The following PDE4D variants were observed in gnomAD, a reference collection of about 807,000 sequenced individuals.
PDE4D encodes the protein 3',5'-cyclic-AMP phosphodiesterase 4D.
PDE4D carries 24 observed loss-of-function variants against 87.4 expected under a neutral mutation model. The observed-to-expected ratio is 0.27, with a 90% CI of 0.20 to 0.39. PDE4D has a LOEUF of 0.39. Among genes scored for constraint, PDE4D ranks in the 10% least tolerant of loss-of-function variants. PDE4D has a pLI of 1.00. For missense variants in PDE4D, 714 were observed against 1,041.0 expected, an observed-to-expected ratio of 0.69 and a Z score of 4.32; for synonymous variants, 384 against 383.2, an observed-to-expected ratio of 1.00 and a Z score of -0.02.
At chr5:59,189,310 C>T (rs1277792493) in intron 3 of PDE4D, among the ~76,000 whole-genome samples, 5 of 124,974 alleles carry the variant, frequency 4.0e-5, no homozygotes, top group Non-Finnish European at 1.6e-5. Flanking sequence ...AGTGCAATGG[C>T]GCGATCTCGG....
At chr5:59,570,781 G>T (rs955067900) in intron 1 of PDE4D, among the ~76,000 whole-genome samples, 1 of 152,142 alleles carries the variant, frequency 6.6e-6, no homozygotes, top group Non-Finnish European at 1.5e-5. Context: ...ATCTTTAGTG[G>T]ACTTAGATTA....
chr5:60,199,522 G>A (rs77466258), intron 1 of PDE4D, among the ~76,000 whole-genome samples: 16 of 151,636 alleles, frequency 1.1e-4, no homozygotes, highest in African/African-American at 3.9e-4. Context: ...ATGGAAAATG[G>A]CAATTTCTTT....
At chr5:59,768,279 G>A (rs1328541487) in intron 1 of PDE4D, 2 of 1,598,250 alleles carry the variant, frequency 1.3e-6, no homozygotes, top group Admixed American at 1.7e-5. Context: ...GCCGCTGTTT[G>A]GGGATGTTGC....
chr5:59,748,253 A>T (rs1054713167), intron 1 of PDE4D, among the ~76,000 whole-genome samples: 9 of 152,140 alleles, frequency 5.9e-5, no homozygotes, highest in Non-Finnish European at 1.0e-4. Flanking sequence ...CTCTTGAATC[A>T]CTGACTCCTG....
intron 1 of PDE4D, chr5:59,529,284 C>A: frequency 5.6e-6 from 2 of 355,434 alleles, no homozygotes; most frequent in Non-Finnish European, 1.1e-5. Flanking sequence ...AAGGATCTTG[C>A]TTAAATAAAT....
rs572751257 is a variant in PDE4D at position 59,397,415 on chromosome 5, G to T, written c.456-181447C>A. Among the ~76,000 whole-genome samples, 54 of 119,122 alleles carry T rather than the reference G, an allele frequency of 4.5e-4. 10 individuals are homozygous for T. Among genetic ancestry groups the T allele is most frequent in the Admixed American group, 1.6e-3 (19 of 12,096 alleles). 78.1% of individuals were successfully genotyped at this position (119,122 alleles called of 152,430 possible). A position where few individuals can be genotyped will look rare whatever the true frequency, so the allele number is the denominator to read the frequency against. ...ACAGTGCAATCAAATTAGAACTCAGGATTAAGAATCTCACTCAAAACCGCT... is the reference window on the plus strand; with the variant it reads ...ACAGTGCAATCAAATTAGAACTCAGTATTAAGAATCTCACTCAAAACCGCT... On this transcript the variant is annotated intron_variant, in intron 1 of 14. Coordinates refer to ENST00000340635, the MANE Select transcript of PDE4D (RefSeq NM_001104631.2).
At chr5:60,220,256 G>A (rs898328163) in intron 1 of PDE4D, among the ~76,000 whole-genome samples, 8 of 152,100 alleles carry the variant, frequency 5.3e-5, no homozygotes, top group Non-Finnish European at 1.2e-4. Flanking sequence ...AGGACTCCAA[G>A]ATGATAAGAA....
In PDE4D at chr5:60,459,957, T is replaced by TTCA. The variant is rs1196035855; in HGVS notation, c.-90+27982_-90+27984dup. 23 of 759,920 alleles carry TTCA rather than the reference T, an allele frequency of 3.0e-5. No individual in the cohort carries two copies. The Admixed American group carries it at 3.3e-4, about 11-fold the overall frequency. 47.1% of individuals were successfully genotyped at this position (759,920 alleles called of 1,614,324 possible). A position where few individuals can be genotyped will look rare whatever the true frequency, so the allele number is the denominator to read the frequency against. ...TAGTATCTTTTTATCCTTCCTCCTCTTCATCATCATCATCATCTTCTTCTC... is the reference window on the plus strand; with the variant it reads ...TAGTATCTTTTTATCCTTCCTCCTCTTCATCATCATCATCATCATCTTCTTCTC... On this transcript the variant is annotated intron_variant, in intron 1 of 16. Coordinates refer to the PDE4D transcript ENST00000502484.
intron 1 of PDE4D, chr5:59,768,187 A>G: frequency 1.3e-6 from 2 of 1,574,062 alleles, no homozygotes; most frequent in South Asian, 2.3e-5. Flanking sequence ...TAAAGGCGCG[A>G]GAGCAGGACT....
At chr5:59,727,708 T>C (rs1756807134) in intron 1 of PDE4D, among the ~76,000 whole-genome samples, 1 of 152,114 alleles carries the variant, frequency 6.6e-6, no homozygotes, top group Admixed American at 6.6e-5. Context: ...GCAGGTTTCT[T>C]ACCCTCTGTG....
chr5:59,029,257 CAAAA>C (rs35339520), intron 6 of PDE4D, among the ~76,000 whole-genome samples: 1 of 141,016 alleles, frequency 7.1e-6, no homozygotes. Flanking sequence ...CTTAAAAATA[CAAAA>C]AAAAAAAAAG....
chr5:60,208,653 C>A (rs1300781827), intron 1 of PDE4D, among the ~76,000 whole-genome samples: 1 of 152,166 alleles, frequency 6.6e-6, no homozygotes, highest in East Asian at 1.9e-4. Context: ...TCCCCCAGCA[C>A]CCAGCCTCAG....
intron 3 of PDE4D, among the ~76,000 whole-genome samples, chr5:59,918,154 G>A (rs1754278707): frequency 6.6e-6 from 1 of 151,770 alleles, no homozygotes; most frequent in Admixed American, 6.6e-5. Context: ...TTCTGTTATG[G>A]TTTGAAAGAT....
intron 1 of PDE4D, among the ~76,000 whole-genome samples, chr5:59,598,775 C>T (rs1827074738): frequency 6.6e-6 from 1 of 151,964 alleles, no homozygotes; most frequent in South Asian, 2.1e-4. Context: ...GACAGAAGGA[C>T]ATTACTATTA....
chr5:60,039,355 T>C (rs1007466765), intron 2 of PDE4D, among the ~76,000 whole-genome samples: 8 of 149,600 alleles, frequency 5.3e-5, no homozygotes, highest in African/African-American at 1.7e-4. Flanking sequence ...AAACACCGCA[T>C]ATTCTCACTC....
intron 5 of PDE4D, among the ~76,000 whole-genome samples, chr5:59,046,967 G>T (rs1760811492): frequency 6.6e-6 from 1 of 152,150 alleles, no homozygotes; most frequent in African/African-American, 2.4e-5. Context: ...AGCAATTCCA[G>T]GCAATTCAGC....
intron 3 of PDE4D, among the ~76,000 whole-genome samples, chr5:59,902,836 T>A (rs1752416806): frequency 6.6e-6 from 1 of 152,156 alleles, no homozygotes; most frequent in Non-Finnish European, 1.5e-5. Context: ...CCAGATTAAA[T>A]AACTGGGCAG....
At chr5:60,284,283 A>G (rs1311442104) in intron 1 of PDE4D, among the ~76,000 whole-genome samples, 1 of 152,204 alleles carries the variant, frequency 6.6e-6, no homozygotes, top group Admixed American at 6.5e-5. Flanking sequence ...TAATCATGAA[A>G]ATAAGGTAGC....
intron 1 of PDE4D, among the ~76,000 whole-genome samples, chr5:60,401,377 T>A (rs1741068815): frequency 6.6e-6 from 1 of 152,178 alleles, no homozygotes; most frequent in Non-Finnish European, 1.5e-5. Context: ...GGGCAAATGA[T>A]GATAAAAAGA....
Sources: gnomAD v4.1 joint callset for allele counts (sites outside exome capture counted in the v4.1 genomes callset) on GRCh38, gnomAD v4.1.1 for gene constraint, MANE v1.5 for transcripts, NCBI Gene and HGNC (gene_info 2026-07-23, HGNC 2026-07-21) for gene names.